Variants in TLL2 observed in about 807,000 individuals in gnomAD.
TLL2 encodes the protein tolloid-like protein 2.
Under a neutral mutation model 123.0 loss-of-function variants are expected in TLL2, and 106 were observed. That is an observed-to-expected ratio of 0.86 (90% CI 0.74 to 1.01). TLL2 has a LOEUF of 1.01. TLL2 is among the 50% of genes least tolerant of loss of function. The pLI is 0.00. For missense variants in TLL2, 1,332 were observed against 1,336.7 expected (o/e 1.00, Z 0.06); for synonymous variants, 494 against 516.8 (o/e 0.96, Z 0.60).
chr10:96,428,806 C>CTTT, intron 4 of TLL2, 58 bp from the exon 5 acceptor site: 1 of 1,080,084 alleles, frequency 9.3e-7, no homozygotes. Flanking sequence ...TCTTTAGATG[C>CTTT]TTTTTTTTTT....
intron 2 of TLL2, among the ~76,000 whole-genome samples, chr10:96,447,438 AG>A (rs1846906503): frequency 6.6e-6 from 1 of 152,220 alleles, no homozygotes. Flanking sequence ...CAAGTGTCCG[AG>A]TGAGACAGGG....
chr10:96,391,302 G>A (rs1392668919), intron 13 of TLL2, among the ~76,000 whole-genome samples: 1 of 152,218 alleles, frequency 6.6e-6, no homozygotes, highest in Non-Finnish European at 1.5e-5. Context: ...AAGCAGGTAT[G>A]GGCCGGTCGT....
intron 3 of TLL2, among the ~76,000 whole-genome samples, chr10:96,436,701 T>G (rs1038639511): frequency 6.6e-6 from 1 of 152,106 alleles, no homozygotes; most frequent in Non-Finnish European, 1.5e-5. Context: ...TTTTTTTTTT[T>G]CTGAGTCAGG....
intron 7 of TLL2, among the ~76,000 whole-genome samples, chr10:96,420,082 T>C (rs1471614543): frequency 6.6e-6 from 1 of 152,206 alleles, no homozygotes. Flanking sequence ...TTATCTCATG[T>C]GTATATTGGA....
intron 13 of TLL2, among the ~76,000 whole-genome samples, chr10:96,394,595 G>A (rs960457176): frequency 1.3e-5 from 2 of 152,220 alleles, no homozygotes; most frequent in African/African-American, 4.8e-5. Context: ...GGGTAAGCAT[G>A]TAGTCTAGGG....
intron 13 of TLL2, among the ~76,000 whole-genome samples, chr10:96,393,020 C>T (rs1023436900): frequency 6.6e-6 from 1 of 152,202 alleles, no homozygotes; most frequent in African/African-American, 2.4e-5. Context: ...ATGAGAATGA[C>T]ACACTGGCCA....
intron 2 of TLL2, among the ~76,000 whole-genome samples, chr10:96,476,248 T>TTTTTTTTTTTTTTTTTTTTTTG (rs1285354320): frequency 1.0e-4 from 7 of 69,228 alleles, no homozygotes; most frequent in East Asian, 7.1e-4. Flanking sequence ...ATATTTTATT[T>TTTTTTTTTTTTTTTTTTTTTTG]TTGTTGTTGT....
At chr10:96,463,104 G>A (rs556706858) in intron 2 of TLL2, among the ~76,000 whole-genome samples, 6 of 152,314 alleles carry the variant, frequency 3.9e-5, no homozygotes, top group African/African-American at 7.2e-5. Flanking sequence ...GCAAATTCAC[G>A]AATATAAAAT....
chr10:96,441,591 G>C (rs1041644817), intron 3 of TLL2, among the ~76,000 whole-genome samples: 1 of 152,168 alleles, frequency 6.6e-6, no homozygotes, highest in African/African-American at 2.4e-5. Context: ...TTGGGGTCAG[G>C]GGGACTTAAG....
At chr10:96,480,535 C>T in intron 1 of TLL2, 76 bp from the exon 2 acceptor site, 1 of 1,197,504 alleles carries the variant, frequency 8.4e-7, no homozygotes, top group Admixed American at 1.7e-5. Flanking sequence ...CCCCAAAGGG[C>T]ATTGGGTGTT....
intron 17 of TLL2, among the ~76,000 whole-genome samples, chr10:96,378,145 T>C (rs1846154281): frequency 6.6e-6 from 1 of 152,258 alleles, no homozygotes; most frequent in African/African-American, 2.4e-5. Flanking sequence ...TTTAACATTC[T>C]AGGCAGATCC....
chr10:96,421,006 C>G lies in TLL2; in HGVS notation c.873G>C (p.Glu291Asp). Reference protein sequence around the residue: ...MEAGEVSSLGETYDFDSIMHY... With the variant: ...MEAGEVSSLGDTYDFDSIMHY... Reference sequence around the variant, plus strand: ...GCATGATGCTGTCAAAGTCGTATGTCTCTCCCAGAGAGCTCACTTCCCCAG... The same window carrying G: ...GCATGATGCTGTCAAAGTCGTATGTGTCTCCCAGAGAGCTCACTTCCCCAG... Residue 291 changes from glutamate to aspartate, a missense_variant, in exon 7 of 21, where the codon GAG becomes GAC. By Grantham distance (45) the Glu-to-Asp change is conservative. Transcript: ENST00000357947. 1.2e-6 allele frequency: 2 copies of G among 1,614,152 alleles called. No individual in the cohort carries two copies. The highest frequency in any genetic ancestry group is 1.7e-5 in the Admixed American group (1 of 60,022).
chr10:96,438,396 T>A (rs373912240), intron 3 of TLL2, among the ~76,000 whole-genome samples: 6 of 152,236 alleles, frequency 3.9e-5, no homozygotes, highest in East Asian at 1.9e-4. Context: ...ATTGTATTTT[T>A]AATTTTGGTT....
In TLL2 at chr10:96,368,047, C is replaced by CA. The variant is rs527635760; in HGVS notation, c.*40dup. On this transcript the variant is annotated 3_prime_UTR_variant, in exon 21 of 21. Transcript: ENST00000357947. ...TATTGTTGTTAAAAACAAAACAAAA[C>CA]AAAAAAAATTCTCAGTTTCTGTCTT... 2.2e-5 allele frequency: 36 copies of CA among 1,608,074 alleles called. No individual in the cohort carries two copies. The East Asian group carries it at 3.3e-4, about 15-fold the overall frequency.
chr10:96,386,050 C>T lies in TLL2; in HGVS notation c.2013+5G>A, dbSNP rs1312367062. On this transcript the variant is annotated splice_donor_5th_base_variant and intron_variant, in intron 15 of 20. Transcript: ENST00000357947. Reference sequence around the variant, plus strand: ...TCCCCAATCAATTAGAGCATGGAGACATACGTCATTGCCTTCCAGTTCAAA... The same window carrying T: ...TCCCCAATCAATTAGAGCATGGAGATATACGTCATTGCCTTCCAGTTCAAA... 2 of 1,588,316 alleles carry T rather than the reference C, an allele frequency of 1.3e-6. No homozygotes were observed. The highest frequency in any genetic ancestry group is 1.2e-5 in the South Asian group (1 of 86,088).
chr10:96,513,539 C>T lies in TLL2; in HGVS notation c.147G>A (p.Leu49=). 1 of 1,612,686 alleles carries T rather than the reference C, an allele frequency of 6.2e-7. No individual in the cohort carries two copies. The highest frequency in any genetic ancestry group is 8.5e-7 in the Non-Finnish European group (1 of 1,179,836). ...LDGEEGTEQQ[L]EHYHDPCKAA... is the part of the protein sequence containing the mutation. ...CTTTGCAAGGGTCGTGGTAATGCTC[C>T]AGCTGCTGCTCCGTGCCCTCCTCGC... Residue 49 remains leucine (L), a synonymous_variant, in exon 1 of 21, where the codon CTG becomes CTA. Coordinates refer to ENST00000357947, the MANE Select transcript of TLL2 (RefSeq NM_012465.4).
chr10:96,387,665 C>T (rs1018761564), intron 13 of TLL2, among the ~76,000 whole-genome samples: 4 of 152,054 alleles, frequency 2.6e-5, no homozygotes, highest in Non-Finnish European at 1.5e-5. Context: ...CCCAGGAAAA[C>T]CTGCAGGAAG....
At chr10:96,454,669 T>G (rs953786657) in intron 2 of TLL2, among the ~76,000 whole-genome samples, 6 of 152,272 alleles carry the variant, frequency 3.9e-5, no homozygotes, top group African/African-American at 1.4e-4. Flanking sequence ...CCATTATTTA[T>G]TGTTGTATAT....
At chr10:96,371,463 G>A (rs944580082) in intron 19 of TLL2, among the ~76,000 whole-genome samples, 8 of 152,232 alleles carry the variant, frequency 5.3e-5, no homozygotes, top group Non-Finnish European at 7.3e-5. Flanking sequence ...CCAGGCAAAC[G>A]CTGTTGTAGA....
Sources: gnomAD v4.1 joint callset for allele counts (sites outside exome capture counted in the v4.1 genomes callset) on GRCh38, gnomAD v4.1.1 for gene constraint, MANE v1.5 for transcripts, NCBI Gene and HGNC (gene_info 2026-07-23, HGNC 2026-07-21) for gene names.